Variants in ZNF169 observed in about 807,000 individuals in gnomAD.
ZNF169 encodes the protein zinc finger protein 169.
In ZNF169, 11 loss-of-function variants were observed where a neutral mutation model predicts 12.0. The ratio of observed to expected loss-of-function variants is 0.92; its 90% confidence interval spans 0.58 to 1.52. ZNF169 has a LOEUF of 1.52. ZNF169 is among the 40% of genes most tolerant of loss of function. The pLI is 0.00. For synonymous variants in ZNF169, 302 were observed against 286.5 expected (o/e 1.05, Z -0.55); for missense variants, 722 against 744.0 (o/e 0.97, Z 0.34).
At chr9:94,261,672 ATCCAGG>A (rs1435928616) in intron 1 of ZNF169, among the ~76,000 whole-genome samples, 1 of 152,180 alleles carries the variant, frequency 6.6e-6, no homozygotes, top group Non-Finnish European at 1.5e-5. Flanking sequence ...GTGAGTTCAA[ATCCAGG>A]TCTCTCCCTT....
At chr9:94,269,460 G>T (rs1401957978) in intron 1 of ZNF169, among the ~76,000 whole-genome samples, 1 of 152,162 alleles carries the variant, frequency 6.6e-6, no homozygotes, top group East Asian at 1.9e-4. Context: ...GCATGAAACA[G>T]CCCTCTGGAG....
intron 1 of ZNF169, among the ~76,000 whole-genome samples, chr9:94,260,842 A>G (rs1459186437): frequency 6.8e-5 from 5 of 73,890 alleles, no homozygotes; most frequent in Admixed American, 2.1e-4. Context: ...TTTTTTTGAG[A>G]TGAAGTCTCA....
chr9:94,296,176 A>G (rs984683292), intron 4 of ZNF169, among the ~76,000 whole-genome samples: 3 of 152,196 alleles, frequency 2.0e-5, no homozygotes, highest in African/African-American at 7.2e-5. Context: ...TATCTTCTTT[A>G]GTGAAGTACG....
intron 2 of ZNF169, chr9:94,288,511 G>A: frequency 1.6e-6 from 1 of 629,386 alleles, no homozygotes; most frequent in Non-Finnish European, 2.9e-6. Context: ...GACATCCCTG[G>A]CAGATTTGAC....
At chr9:94,271,320 C>T (rs1338485859) in intron 1 of ZNF169, among the ~76,000 whole-genome samples, 1 of 151,600 alleles carries the variant, frequency 6.6e-6, no homozygotes, top group Non-Finnish European at 1.5e-5. Flanking sequence ...TGGTCTTGAA[C>T]TCCTGAGTTC....
At chr9:94,269,494 G>A (rs112146129) in intron 1 of ZNF169, among the ~76,000 whole-genome samples, 16 of 152,182 alleles carry the variant, frequency 1.1e-4, no homozygotes, top group Admixed American at 5.2e-4. Flanking sequence ...AACCTCACCC[G>A]GCAGCTGCTG....
In ZNF169 at chr9:94,299,852, G is replaced by A; in HGVS notation, c.294G>A (p.Leu98=). The change falls in exon 5 of 5, where the codon CTG becomes CTA. Residue 98 remains leucine, a synonymous_variant. Transcript: ENST00000395395. ...RTEFQPSFPH[L]VAFSSSQLLR... is the part of the protein sequence containing the mutation. ...AATTCCAGCCAAGTTTTCCCCACCT[G>A]GTGGCCTTTTCTAGCTCGCAGCTCC... 1.9e-6 allele frequency: 3 copies of A among 1,613,902 alleles called. 1 individual carries two copies. The highest frequency in any genetic ancestry group is 1.3e-5 in the African/African-American group (1 of 75,010).
rs78734424 is a variant in ZNF169 at position 94,299,025 on chromosome 9, C to T, written c.257-790C>T. On this transcript the variant is annotated intron_variant, in intron 4 of 4. Transcript: ENST00000395395. The stretch of plus-strand genomic sequence containing the variant: ...AAGTCATCTATTATTAACTTTCAAA[C>T]GCTGAGCTTCTCCTTAATTCACCAG... Among the ~76,000 whole-genome samples, 635 of 152,294 alleles carry T rather than the reference C, an allele frequency of 4.2e-3. 6 individuals carry two copies. The highest frequency in any genetic ancestry group is 0.015 in the African/African-American group (609 of 41,550).
In ZNF169 at chr9:94,300,251, G is replaced by A. The variant is rs1358046682; in HGVS notation, c.693G>A (p.Gln231=). 2.5e-6 allele frequency: 4 copies of A among 1,614,224 alleles called. No homozygotes were observed. Among genetic ancestry groups the A allele is most frequent in the Non-Finnish European group, 3.4e-6 (4 of 1,180,036 alleles). ...LSKKSSLFSH[Q]KHHVCPECGR... is the part of the protein sequence containing the mutation. The stretch of plus-strand genomic sequence containing the variant: ...AAAAGTCAAGCCTGTTCAGCCACCA[G>A]AAGCATCATGTGTGCCCTGAATGCG... Residue 231 remains glutamine, a synonymous_variant, in exon 5 of 5, where the codon CAG becomes CAA. Transcript: ENST00000395395.
chr9:94,274,131 C>T (rs546535075), intron 1 of ZNF169, among the ~76,000 whole-genome samples: 1 of 152,104 alleles, frequency 6.6e-6, no homozygotes, highest in Non-Finnish European at 1.5e-5. Context: ...GTTTTTATGT[C>T]CAAATTTTCT....
chr9:94,296,851 C>A (rs1405046394), intron 4 of ZNF169: 1 of 455,984 alleles, frequency 2.2e-6, no homozygotes, highest in South Asian at 1.6e-5. Flanking sequence ...CGAGACTAGT[C>A]TGGCCAACAT....
chr9:94,294,279 A>G (rs957218263), intron 4 of ZNF169: 7 of 152,126 alleles, frequency 4.6e-5, no homozygotes, highest in African/African-American at 1.7e-4. Context: ...CTCTACTAAA[A>G]ATAGAAAAAT....
chr9:94,288,028 T>A, intron 2 of ZNF169: 1 of 777,710 alleles, frequency 1.3e-6, no homozygotes, highest in Non-Finnish European at 2.3e-6. Context: ...AATTCATCAG[T>A]CTTGTAGCCA....
intron 2 of ZNF169, among the ~76,000 whole-genome samples, chr9:94,279,730 C>T (rs1282899804): frequency 6.6e-6 from 1 of 152,124 alleles, no homozygotes; most frequent in Non-Finnish European, 1.5e-5. Context: ...GTGTGGGAAG[C>T]TTTCAACAGC....
At position 94,278,698 on chromosome 9, in the gene ZNF169, G is replaced by A. The variant is rs140242052; in HGVS notation, c.-55-60G>A. 4.8e-5 allele frequency: 46 copies of A among 960,644 alleles called. No homozygotes were observed. In the African/African-American group the frequency reaches 5.8e-4, roughly 12 times the overall value. 59.5% of individuals were successfully genotyped at this position (960,644 alleles called of 1,614,324 possible). ...TACTCCCTACTGAATTGGGAGGCTGGACAGAGTGTGAAGGGTGTTCTTCCC... is the reference window on the plus strand; with the variant it reads ...TACTCCCTACTGAATTGGGAGGCTGAACAGAGTGTGAAGGGTGTTCTTCCC... On this transcript the variant is annotated intron_variant, in intron 1 of 4. Transcript: ENST00000395395.
At chr9:94,285,097 G>A (rs1205195785) in intron 2 of ZNF169, among the ~76,000 whole-genome samples, 1 of 152,112 alleles carries the variant, frequency 6.6e-6, no homozygotes, top group African/African-American at 2.4e-5. Flanking sequence ...ATGGTCAATT[G>A]ATTTTTTTAC....
intron 2 of ZNF169, among the ~76,000 whole-genome samples, chr9:94,280,290 A>G (rs1830604662): frequency 6.6e-6 from 1 of 152,208 alleles, no homozygotes; most frequent in Non-Finnish European, 1.5e-5. Flanking sequence ...CAGGCAGTTC[A>G]GGATTTTTTT....
intron 4 of ZNF169, among the ~76,000 whole-genome samples, chr9:94,299,050 G>T (rs1286709763): frequency 6.6e-6 from 1 of 152,180 alleles, no homozygotes; most frequent in Admixed American, 6.5e-5. Flanking sequence ...TAATTCACCA[G>T]ATTTTTTTAA....
chr9:94,274,769 A>G (rs931608933), intron 1 of ZNF169, among the ~76,000 whole-genome samples: 1 of 152,194 alleles, frequency 6.6e-6, no homozygotes, highest in Non-Finnish European at 1.5e-5. Context: ...ACATCAATCA[A>G]ATACACTTAA....
Sources: allele counts gnomAD v4.1 joint callset (sites outside exome capture counted in the v4.1 genomes callset), GRCh38; gene constraint gnomAD v4.1.1; transcripts MANE v1.5; gene names NCBI Gene and HGNC (gene_info 2026-07-23, HGNC 2026-07-21).